The following WDR91 variants were observed in gnomAD, a reference collection of about 807,000 sequenced individuals.
The protein encoded by WDR91 is WD repeat-containing protein 91.
A neutral mutation model predicts 88.4 loss-of-function variants in WDR91; 52 were observed. The ratio of observed to expected loss-of-function variants is 0.59; its 90% CI spans 0.47 to 0.74. The LOEUF is 0.74. Among genes scored for constraint, WDR91 ranks in the 30% least tolerant of loss-of-function variants. The probability of loss-of-function intolerance (pLI) is 0.00; values close to 1 mark genes in which losing one functional copy is unlikely to be tolerated. For synonymous variants in WDR91, 362 were observed against 389.5 expected (o/e 0.93, Z 0.83); for missense variants, 824 against 954.5 (o/e 0.86, Z 1.80).
chr7:135,187,101 C>T lies in WDR91; in HGVS notation c.1950G>A (p.Thr650=), dbSNP rs775489834. 1.2e-5 allele frequency: 19 copies of T among 1,614,120 alleles called. No individual in the cohort carries two copies. The African/African-American group carries it at 1.2e-4, about 10-fold the overall frequency. ...VSEYSLPSDA[T]GPFVLSGYSG... The stretch of plus-strand genomic sequence containing the variant: ...TGTATCCAGACAGCACAAAGGGGCC[C>T]GTGGCATCTGAGGGGAGGCTGTACT... The change falls in exon 14 of 15, where the codon ACG becomes ACA. Residue 650 remains threonine (T), a synonymous_variant. Coordinates refer to ENST00000354475, the MANE Select transcript of WDR91 (RefSeq NM_014149.4).
Position 135,189,327 on chromosome 7 carries a change from T to C in WDR91, c.1768+17A>G. The stretch of plus-strand genomic sequence containing the variant: ...AATCTAAGGAGATCAAGGATTGCTA[T>C]GAGCACACTTGCATACCAAACAGCC... On this transcript the variant is annotated intron_variant, in intron 12 of 14. Coordinates refer to ENST00000354475, the MANE Select transcript of WDR91 (RefSeq NM_014149.4). 1 of 1,607,784 alleles carries C rather than the reference T, an allele frequency of 6.2e-7. No homozygotes were observed. Among genetic ancestry groups the C allele is most frequent in the East Asian group, 2.2e-5 (1 of 44,866 alleles).
intron 9 of WDR91, 32 bp from the exon 10 acceptor site, chr7:135,193,704 ATAGCAT>A (rs750315667): frequency 2.5e-6 from 4 of 1,599,606 alleles, no homozygotes; most frequent in Non-Finnish European, 3.4e-6. Flanking sequence ...GGTGGGAAGG[ATAGCAT>A]GGAGTGAGGC....
Position 135,184,647 on chromosome 7 carries a change from T to G in WDR91, c.*1504A>C, listed in dbSNP as rs1441483622. The G allele has an allele frequency of 6.6e-6, 1 of 152,312 alleles. No homozygotes were observed. The highest frequency in any genetic ancestry group is 2.4e-5 in the African/African-American group (1 of 41,448). 9.4% of individuals were successfully genotyped at this position (152,312 alleles called of 1,614,324 possible). On this transcript the variant is annotated 3_prime_UTR_variant, in exon 15 of 15. Coordinates refer to ENST00000354475, the MANE Select transcript of WDR91 (RefSeq NM_014149.4). ...CAGGCAGGGTGTGGACACAGCTGGT[T>G]GACACTCAGCTCAGCTACAGATCGG... is the stretch of plus-strand genomic sequence containing the variant.
chr7:135,198,951 T>G (rs988239156), intron 6 of WDR91: 18 of 152,302 alleles, frequency 1.2e-4, no homozygotes, highest in African/African-American at 4.3e-4. Flanking sequence ...TTTCCAGCTT[T>G]TTACCCACAA....
At chr7:135,204,631 G>C (rs1831695446) in intron 5 of WDR91, among the ~76,000 whole-genome samples, 198 bp from the exon 6 acceptor site, 1 of 152,220 alleles carries the variant, frequency 6.6e-6, no homozygotes, top group South Asian at 2.1e-4. Flanking sequence ...TTACAAGGGT[G>C]AAGTCTGCGG....
chr7:135,210,779 A>G (rs1292178078), intron 1 of WDR91: 1 of 703,532 alleles, frequency 1.4e-6, no homozygotes, highest in African/African-American at 1.7e-5. Flanking sequence ...ACTGCCTCTC[A>G]TTGAAGTCAG....
chr7:135,190,945 T>C (rs1831140580), intron 11 of WDR91, among the ~76,000 whole-genome samples: 1 of 152,232 alleles, frequency 6.6e-6, no homozygotes, highest in Admixed American at 6.5e-5. Flanking sequence ...TTTTCCAGAA[T>C]TGAACAGACA....
In WDR91 at chr7:135,198,113, A is replaced by G; in HGVS notation, c.930T>C (p.Asp310=). Residue 310 remains aspartate (D), a synonymous_variant, in exon 7 of 15, where the codon GAT becomes GAC. Transcript: ENST00000354475. ...CCAGCCCGCTGAGGAGGCTCTTCCC[A>G]TCCTTGGCTCCGGACGTCGGGTCCT... The part of the protein sequence containing the change: ...KGKDPTSGAK[D]GKSLLSGLAT... The G allele has an allele frequency of 1.2e-6, 2 of 1,613,728 alleles. No individual in the cohort carries two copies. The highest frequency in any genetic ancestry group is 1.7e-6 in the Non-Finnish European group (2 of 1,179,744).
intron 11 of WDR91, among the ~76,000 whole-genome samples, chr7:135,189,752 C>T (rs1426980363): frequency 6.6e-6 from 1 of 152,220 alleles, no homozygotes; most frequent in African/African-American, 2.4e-5. Flanking sequence ...ACCCAGAATG[C>T]ATTCCAAGCA....
intron 11 of WDR91, 123 bp from the exon 12 acceptor site, chr7:135,189,575 G>T: frequency 1.4e-6 from 1 of 710,430 alleles, no homozygotes; most frequent in Non-Finnish European, 2.3e-6. Context: ...ATGTAATCTG[G>T]AAATGTAGAT....
chr7:135,197,665 G>C, intron 7 of WDR91: 1 of 197,060 alleles, frequency 5.1e-6, no homozygotes. Flanking sequence ...CCCACCACAG[G>C]CTGCTTAGCA....
intron 13 of WDR91, 67 bp downstream of exon 13, chr7:135,188,366 G>T: frequency 1.4e-6 from 2 of 1,401,738 alleles, no homozygotes; most frequent in Non-Finnish European, 1.0e-6. Context: ...AACAGGTATG[G>T]CCACAACCTG....
Position 135,187,116 on chromosome 7 carries a change from G to A in WDR91, c.1935C>T (p.Leu645=), listed in dbSNP as rs1265201641. The A allele has an allele frequency of 6.2e-7, 1 of 1,614,270 alleles. No homozygotes were observed. The highest frequency in any genetic ancestry group is 8.5e-7 in the Non-Finnish European group (1 of 1,180,052). The change falls in exon 14 of 15, where the codon CTC becomes CTT. Residue 645 remains leucine (L), a synonymous_variant. Coordinates refer to ENST00000354475, the MANE Select transcript of WDR91 (RefSeq NM_014149.4). ...KSGLKVSEYS[L]PSDATGPFVL... is the part of the protein sequence containing the mutation. ...CAAAGGGGCCCGTGGCATCTGAGGG[G>A]AGGCTGTACTCGGATACCTTGAGGC...
intron 3 of WDR91, chr7:135,207,427 A>G: frequency 3.7e-6 from 2 of 535,720 alleles, no homozygotes; most frequent in Non-Finnish European, 7.3e-6. Flanking sequence ...TCACAGACGC[A>G]TGACCATCTG....
In WDR91 at chr7:135,186,170, A is replaced by AGGGTGGTCAGCT; in HGVS notation, c.2213_2224dup (p.Thr741_Leu742insGlnLeuThrThr). 6.2e-7 allele frequency: 1 copy of AGGGTGGTCAGCT among 1,604,660 alleles called. No homozygotes were observed. The highest frequency in any genetic ancestry group is 8.5e-7 in the Non-Finnish European group (1 of 1,176,312). The stretch of plus-strand genomic sequence containing the variant: ...AAGTCATCAGGCTTTATGGGCCAGG[A>AGGGTGGTCAGCT]GGGTGGTCAGCTTGATCTTGCCATC... On this transcript the variant is annotated inframe_insertion, in exon 15 of 15. Coordinates refer to ENST00000354475, the MANE Select transcript of WDR91 (RefSeq NM_014149.4).
At chr7:135,192,108 G>GTT (rs751914024) in intron 11 of WDR91, among the ~76,000 whole-genome samples, 2 of 50,670 alleles carry the variant, frequency 3.9e-5, no homozygotes, top group African/African-American at 1.0e-4. Context: ...TTTCTGTTGT[G>GTT]TTTTTTTTTT....
intron 3 of WDR91, 56 bp downstream of exon 3, chr7:135,208,735 C>A: frequency 6.8e-7 from 1 of 1,477,144 alleles, no homozygotes; most frequent in South Asian, 1.4e-5. Context: ...GGCTACTGAT[C>A]CTGAGGTCTG....
intron 5 of WDR91, 98 bp downstream of exon 5, chr7:135,205,830 C>G: frequency 6.5e-7 from 1 of 1,547,352 alleles, no homozygotes; most frequent in Non-Finnish European, 8.8e-7. Context: ...TCTCCTTCAG[C>G]AGGCACAGAG....
At chr7:135,206,732 T>TA (rs1831801592) in intron 4 of WDR91, among the ~76,000 whole-genome samples, 1 of 151,312 alleles carries the variant, frequency 6.6e-6, no homozygotes, top group African/African-American at 2.4e-5. Flanking sequence ...TATATATAGT[T>TA]TATATATATA....
Sources: gnomAD v4.1 joint callset for allele counts (sites outside exome capture counted in the v4.1 genomes callset) on GRCh38, gnomAD v4.1.1 for gene constraint, MANE v1.5 for transcripts, NCBI Gene and HGNC (gene_info 2026-07-23, HGNC 2026-07-21) for gene names.